The following DNM1L variants were observed in gnomAD, a reference collection of about 807,000 sequenced individuals.
DNM1L encodes dynamin 1L.
A neutral mutation model predicts 92.8 loss-of-function variants in DNM1L; 33 were observed. The observed-to-expected ratio is 0.36, with a 90% confidence interval of 0.27 to 0.48. The LOEUF (loss-of-function observed/expected upper bound fraction) is 0.48. DNM1L is among the 20% of genes least tolerant of loss of function. The pLI, the probability that DNM1L is intolerant of heterozygous loss-of-function variation, is 0.99. For missense variants in DNM1L, 485 were observed against 888.8 expected (o/e 0.55, Z 5.78); for synonymous variants, 284 against 305.0 (o/e 0.93, Z 0.72).
chr12:32,681,579 T>G (rs1489714123), intron 1 of DNM1L, among the ~76,000 whole-genome samples: 1 of 9,110 alleles, frequency 1.1e-4, no homozygotes, highest in Non-Finnish European at 2.6e-4. Flanking sequence ...CCCCCGCCCC[T>G]ATTTTCTCCC....
At chr12:32,694,554 T>A (rs1385566122) in intron 1 of DNM1L, among the ~76,000 whole-genome samples, 1 of 152,212 alleles carries the variant, frequency 6.6e-6, no homozygotes, top group Admixed American at 6.5e-5. Flanking sequence ...AGACTAAACA[T>A]TAGTCTTGAT....
intron 5 of DNM1L, among the ~76,000 whole-genome samples, chr12:32,712,785 G>A (rs143399525): frequency 4.0e-5 from 6 of 150,896 alleles, no homozygotes; most frequent in East Asian, 3.9e-4. Flanking sequence ...TATTATATGC[G>A]TGTTATTACT....
chr12:32,736,772 G>A (rs1357232815), intron 13 of DNM1L, among the ~76,000 whole-genome samples: 4 of 152,158 alleles, frequency 2.6e-5, no homozygotes, highest in Non-Finnish European at 5.9e-5. Flanking sequence ...CCACATTTAT[G>A]TGAGGACAGT....
intron 1 of DNM1L, among the ~76,000 whole-genome samples, chr12:32,683,655 C>T (rs1054388018): frequency 6.6e-6 from 1 of 151,926 alleles, no homozygotes; most frequent in African/African-American, 2.4e-5. Context: ...AGTGATTCTC[C>T]TGCCTCAGCC....
rs770351498 is a variant in DNM1L at position 32,731,814 on chromosome 12, C to CAAAAAAA, written c.1357-34_1357-33insAAAAAAA. The CAAAAAAA allele has an allele frequency of 2.0e-6, 3 of 1,513,392 alleles. No individual in the cohort carries two copies. The highest frequency in any genetic ancestry group is 1.1e-5 in the South Asian group (1 of 88,152). The allele number at this position is 1,513,392 out of a possible 1,614,324, so 93.7% of individuals were successfully genotyped here. A position where few individuals can be genotyped will look rare whatever the true frequency, so the allele number is the denominator to read the frequency against. On this transcript the variant is annotated intron_variant, in intron 11 of 19. Coordinates refer to ENST00000549701, the MANE Select transcript of DNM1L (RefSeq NM_012062.5). This position sits in a 1 kb window ranked among gnomAD's most constrained non-coding sequence, Gnocchi z 5.1. ...GTGAGACTATGACTTAAAAAAAAAA[C>CAAAAAAA]AAAAAACAAACACGTTTTTCTTTCA...
Position 32,718,854 on chromosome 12 carries a change from T to A in DNM1L, c.740+91T>A, listed in dbSNP as rs1056008056. ...TCAGAGCAAGTCTGAATTTCTAAAA[T>A]CTGTTTGAAATGTGATGCTGTACTA... On this transcript the variant is annotated intron_variant, in intron 7 of 19. Coordinates refer to ENST00000549701, the MANE Select transcript of DNM1L (RefSeq NM_012062.5). 6 of 1,544,188 alleles carry A rather than the reference T, an allele frequency of 3.9e-6. No individual in the cohort carries two copies. In the Admixed American group the frequency reaches 1.0e-4, roughly 26 times the overall value.
intron 1 of DNM1L, among the ~76,000 whole-genome samples, chr12:32,688,592 G>A (rs10771980): frequency 0.15 from 23,423 of 152,110 alleles, 1,913 homozygotes; most frequent in Middle Eastern, 0.21. Context: ...GCTGCTTTTA[G>A]CATTTGTCTT....
chr12:32,717,101 T>TTAAATATATAGTA, intron 6 of DNM1L, among the ~76,000 whole-genome samples: 1 of 123,492 alleles, frequency 8.1e-6, no homozygotes, highest in South Asian at 2.3e-4. Context: ...TATATATATT[T>TTAAATATATAGTA]TATATATTTA....
chr12:32,686,942 T>TC (rs200233232), intron 1 of DNM1L, among the ~76,000 whole-genome samples: 2,868 of 142,448 alleles, frequency 0.02, 105 homozygotes, highest in African/African-American at 0.072. Context: ...TTTTTCTTTT[T>TC]TTTTTTTTTT....
rs771431927 is a variant in DNM1L, at chr12:32,740,495, T to C, written c.1971T>C (p.Ile657=). The change falls in exon 18 of 20, where the codon ATT becomes ATC. Residue 657 remains isoleucine, a synonymous_variant. Transcript: ENST00000549701. ...IERLIKSYFL[I]VRKNIQDSVP... ...GACTCATTAAATCATATTTTCTCAT[T>C]GTCAGAAAGAATATTCAAGACAGGT... is the stretch of plus-strand genomic sequence containing the variant. 4 of 1,613,606 alleles carry C rather than the reference T, an allele frequency of 2.5e-6. No individual in the cohort carries two copies. Among genetic ancestry groups the C allele is most frequent in the Admixed American group, 3.3e-5 (2 of 59,996 alleles).
chr12:32,734,627 T>C (rs146173575), intron 13 of DNM1L, among the ~76,000 whole-genome samples: 92 of 152,228 alleles, frequency 6.0e-4, no homozygotes, highest in African/African-American at 2.2e-3. Context: ...GCCAACATGG[T>C]GAAACCCCGT....
chr12:32,681,985 C>T (rs1191002890), intron 1 of DNM1L, among the ~76,000 whole-genome samples: 3 of 151,942 alleles, frequency 2.0e-5, no homozygotes, highest in African/African-American at 7.3e-5. Flanking sequence ...CAGAGTGAGA[C>T]CCTGATTCTT....
At position 32,723,693 on chromosome 12, in the gene DNM1L, C is replaced by CAAA. The variant is rs1172541097; in HGVS notation, c.1079+1079_1079+1081dup. Among the ~76,000 whole-genome samples the CAAA allele has an allele frequency of 5.2e-3, 289 of 55,924 alleles. 1 individual carries two copies. Among genetic ancestry groups the CAAA allele is most frequent in the Middle Eastern group, 0.011 (1 of 94 alleles). The allele number at this position is 55,924 out of a possible 152,430, so 36.7% of individuals were successfully genotyped here. On this transcript the variant is annotated intron_variant, in intron 9 of 19. Transcript: ENST00000549701. ...TGGGCAACAGAGCAAGACTCTGTCTCAAAAAAAAAAAAAAAAAAAAACAGG... is the reference window on the plus strand; with the variant it reads ...TGGGCAACAGAGCAAGACTCTGTCTCAAAAAAAAAAAAAAAAAAAAAAAACAGG...
intron 1 of DNM1L, among the ~76,000 whole-genome samples, chr12:32,694,866 T>A (rs1952376641): frequency 6.6e-6 from 1 of 152,128 alleles, no homozygotes; most frequent in Admixed American, 6.6e-5. Context: ...TGGAAAGCTT[T>A]TTAAAGGGCC....
intron 1 of DNM1L, among the ~76,000 whole-genome samples, chr12:32,701,199 C>T (rs867986533): frequency 6.6e-6 from 1 of 151,870 alleles, no homozygotes; most frequent in Non-Finnish European, 1.5e-5. Flanking sequence ...TCGCTTGAAC[C>T]CGGGAGGCGG....
intron 9 of DNM1L, chr12:32,726,478 C>T: frequency 9.0e-7 from 1 of 1,116,638 alleles, no homozygotes; most frequent in Admixed American, 1.7e-5. Context: ...TCTGCTTCTT[C>T]ACCTTCTTCA....
intron 6 of DNM1L, among the ~76,000 whole-genome samples, chr12:32,716,014 G>A (rs1953347849): frequency 6.6e-6 from 1 of 152,158 alleles, no homozygotes; most frequent in East Asian, 1.9e-4. Context: ...CAGATGGGGA[G>A]TGAAACTAAA....
intron 2 of DNM1L, among the ~76,000 whole-genome samples, chr12:32,704,670 C>T (rs1251159080): frequency 1.3e-5 from 2 of 151,962 alleles, no homozygotes; most frequent in Non-Finnish European, 2.9e-5. Flanking sequence ...ATCAGTTGCC[C>T]CCCAAAAAGC....
At chr12:32,726,636 A>G (rs1227788100) in intron 9 of DNM1L, 2 of 852,522 alleles carry the variant, frequency 2.3e-6, no homozygotes, top group African/African-American at 3.4e-5. Flanking sequence ...ACTCTCAGGA[A>G]CTTCAGGAGG....
Sources: allele counts gnomAD v4.1 joint callset (sites outside exome capture counted in the v4.1 genomes callset), GRCh38; gene constraint gnomAD v4.1.1; non-coding constraint Gnocchi (gnomAD v3.1); transcripts MANE v1.5; gene names NCBI Gene and HGNC (gene_info 2026-07-23, HGNC 2026-07-21).